ADARB2: variants seen among roughly 807,000 people sequenced by gnomAD.
The protein encoded by ADARB2 is adenosine deaminase RNA specific B2 (inactive), also known as inactive double-stranded RNA-specific editase B2.
A neutral mutation model predicts 62.2 loss-of-function variants in ADARB2; 25 were observed. That is an observed-to-expected ratio of 0.40 (90% CI 0.29 to 0.56). The LOEUF (loss-of-function observed/expected upper bound fraction) is 0.56, where lower values mean the gene tolerates loss of function less well. ADARB2 is among the 20% of genes least tolerant of loss of function. The pLI, the probability that ADARB2 is intolerant of heterozygous loss-of-function variation, is 0.43. For synonymous variants in ADARB2, 572 were observed against 500.8 expected (o/e 1.14, Z -1.90); for missense variants, 1,071 against 1,077.4 (o/e 0.99, Z 0.08).
chr10:1,425,595 G>C (rs117174687), intron 1 of ADARB2, among the ~76,000 whole-genome samples: 2 of 152,172 alleles, frequency 1.3e-5, no homozygotes, highest in African/African-American at 4.8e-5. Flanking sequence ...GCCTGGGCTC[G>C]CTCACTCCGC....
intron 3 of ADARB2, among the ~76,000 whole-genome samples, chr10:1,285,347 T>C (rs894495520): frequency 2.1e-5 from 3 of 139,992 alleles, no homozygotes; most frequent in Non-Finnish European, 3.1e-5. Context: ...GCAGGGACGA[T>C]GGTGGTAGGT....
intron 4 of ADARB2, among the ~76,000 whole-genome samples, chr10:1,263,227 C>T (rs772230185): frequency 7.2e-5 from 11 of 152,058 alleles, no homozygotes; most frequent in Non-Finnish European, 1.5e-4. Flanking sequence ...CACATGTATA[C>T]ATATGTAACA....
At chr10:1,496,849 G>A (rs1313310927) in intron 1 of ADARB2, among the ~76,000 whole-genome samples, 1 of 152,138 alleles carries the variant, frequency 6.6e-6, no homozygotes, top group Non-Finnish European at 1.5e-5. Flanking sequence ...CTCATACGGA[G>A]AGCAACGCAC....
chr10:1,196,463 T>TA (rs1416417013), intron 8 of ADARB2, among the ~76,000 whole-genome samples: 1 of 152,188 alleles, frequency 6.6e-6, no homozygotes, highest in Non-Finnish European at 1.5e-5. Context: ...TTCCTGGAGT[T>TA]AATGATACAA....
At position 1,396,733 on chromosome 10, in the gene ADARB2, C is replaced by A. The variant is rs2131869274; in HGVS notation, c.101-17573G>T. ...GAGCGGAGGCTTCCTGGGTCACCGT[C>A]CTCCTCTCCCCTCCCGAGTGCAGGC... is the stretch of plus-strand genomic sequence containing the variant. On this transcript the variant is annotated intron_variant, in intron 1 of 9. Coordinates refer to ENST00000381312, the MANE Select transcript of ADARB2 (RefSeq NM_018702.4). Among the ~76,000 whole-genome samples the A allele has an allele frequency of 1.6e-5, 2 of 122,160 alleles. 1 individual carries two copies. Among genetic ancestry groups the A allele is most frequent in the Admixed American group, 1.6e-4 (2 of 12,844 alleles). 80.1% of individuals were successfully genotyped at this position (122,160 alleles called of 152,430 possible).
intron 1 of ADARB2, among the ~76,000 whole-genome samples, chr10:1,572,706 G>T (rs1832957627): frequency 1.3e-5 from 2 of 152,208 alleles, no homozygotes; most frequent in South Asian, 2.1e-4. Flanking sequence ...AAGAGAGAGG[G>T]CTGGGGAAGA....
intron 1 of ADARB2, among the ~76,000 whole-genome samples, chr10:1,657,178 G>A (rs535744776): frequency 1.3e-5 from 2 of 152,098 alleles, no homozygotes; most frequent in Non-Finnish European, 2.9e-5. Context: ...GAGTCTCCAG[G>A]TGGCCAATTT....
intron 1 of ADARB2, among the ~76,000 whole-genome samples, chr10:1,675,548 T>C (rs549958005): frequency 1.3e-4 from 19 of 151,194 alleles, no homozygotes; most frequent in Admixed American, 4.6e-4. Context: ...GGTTTGGGGG[T>C]ACATGGATGT....
At chr10:1,456,654 C>T (rs776135190) in intron 1 of ADARB2, among the ~76,000 whole-genome samples, 12 of 152,168 alleles carry the variant, frequency 7.9e-5, no homozygotes, top group African/African-American at 1.2e-4. Context: ...GTGCTCGAGA[C>T]GCGCGGGGCG....
chr10:1,723,499 A>G (rs1028439519), intron 1 of ADARB2, among the ~76,000 whole-genome samples: 1 of 152,186 alleles, frequency 6.6e-6, no homozygotes, highest in Non-Finnish European at 1.5e-5. Context: ...TCCCTCATCC[A>G]GGAGATAGAG....
chr10:1,257,594 A>C (rs551577556), intron 4 of ADARB2, among the ~76,000 whole-genome samples: 1 of 152,312 alleles, frequency 6.6e-6, no homozygotes, highest in East Asian at 1.9e-4. Context: ...GAGGACTTCA[A>C]AAGTCCAACG....
chr10:1,618,093 C>T (rs1302634569), intron 1 of ADARB2, among the ~76,000 whole-genome samples: 1 of 152,212 alleles, frequency 6.6e-6, no homozygotes, highest in Non-Finnish European at 1.5e-5. Context: ...TTACTTAACC[C>T]TCTGAGTGTG....
chr10:1,226,015 G>T (rs1341599307), intron 6 of ADARB2, among the ~76,000 whole-genome samples: 3 of 152,078 alleles, frequency 2.0e-5, no homozygotes, highest in African/African-American at 7.2e-5. Flanking sequence ...TTTCCAACTT[G>T]GTTCCATTCT....
At chr10:1,552,816 C>T (rs894007618) in intron 1 of ADARB2, among the ~76,000 whole-genome samples, 4 of 152,224 alleles carry the variant, frequency 2.6e-5, no homozygotes, top group African/African-American at 9.6e-5. Flanking sequence ...ACACTCACCC[C>T]TGGCGGAAAT....
intron 1 of ADARB2, among the ~76,000 whole-genome samples, chr10:1,558,467 C>A (rs1285113799): frequency 8.0e-6 from 1 of 125,656 alleles, no homozygotes; most frequent in Non-Finnish European, 1.7e-5. Context: ...CCTCTGCCCC[C>A]CTCCGTGGGT....
chr10:1,363,822 C>G lies in ADARB2; in HGVS notation c.283G>C (p.Gly95Arg). ...SGDRARGGAP[G>R]AKRKRPLEEG... ...TCCAGCGGCCGCTTCCTCTTCGCGC[C>G]GGGCGCGCCGCCCCGGGCCCGGTCC... The change falls in exon 3 of 10, where the codon GGC becomes CGC. Residue 95 changes from glycine (G) to arginine (R), a missense_variant. By Grantham distance (125) the Gly-to-Arg change is moderately radical. Coordinates refer to ENST00000381312, the MANE Select transcript of ADARB2 (RefSeq NM_018702.4). The G allele has an allele frequency of 6.3e-7, 1 of 1,579,050 alleles. No individual in the cohort carries two copies. Among genetic ancestry groups the G allele is most frequent in the South Asian group, 1.1e-5 (1 of 88,470 alleles).
At chr10:1,443,083 CAACA>C (rs140440943) in intron 1 of ADARB2, among the ~76,000 whole-genome samples, 21 of 152,078 alleles carry the variant, frequency 1.4e-4, no homozygotes, top group African/African-American at 4.1e-4. Context: ...TGAATAAAAA[CAACA>C]AACAAACAAA....
chr10:1,259,710 C>T (rs1411794855), intron 4 of ADARB2, among the ~76,000 whole-genome samples: 1 of 152,198 alleles, frequency 6.6e-6, no homozygotes, highest in Admixed American at 6.5e-5. Flanking sequence ...CAGCCGAATT[C>T]TACCAGAGGT....
intron 1 of ADARB2, among the ~76,000 whole-genome samples, chr10:1,510,023 TTTTCTC>T (rs1831901859): frequency 6.7e-6 from 1 of 148,242 alleles, no homozygotes; most frequent in African/African-American, 2.4e-5. Flanking sequence ...CTTCTTTCTT[TTTTCTC>T]TTTCTTTCTT....
Sources: allele counts gnomAD v4.1 joint callset (sites outside exome capture counted in the v4.1 genomes callset), GRCh38; gene constraint gnomAD v4.1.1; transcripts MANE v1.5; gene names NCBI Gene and HGNC (gene_info 2026-07-23, HGNC 2026-07-21).